Variants in AKT3 observed in about 807,000 individuals in gnomAD.
AKT3 encodes the protein RAC-gamma serine/threonine-protein kinase.
In AKT3, 15 loss-of-function variants were observed where a neutral mutation model predicts 65.3. The observed-to-expected ratio is 0.23, with a 90% CI of 0.15 to 0.35. The LOEUF (loss-of-function observed/expected upper bound fraction) is 0.35. AKT3 is among the 10% of genes least tolerant of loss of function. The pLI is 1.00. For missense variants in AKT3, 243 were observed against 576.5 expected, an observed-to-expected ratio of 0.42 and a Z score of 5.92; for synonymous variants, 206 against 183.8, an observed-to-expected ratio of 1.12 and a Z score of -0.98.
chr1:243,675,356 C>T (rs1425826675), intron 3 of AKT3, among the ~76,000 whole-genome samples: 5 of 152,294 alleles, frequency 3.3e-5, no homozygotes, highest in African/African-American at 7.2e-5. Context: ...CATACTACCA[C>T]GCCCAGCTAA....
At chr1:243,499,465 T>C (rs1306747821), downstream of AKT3, among the ~76,000 whole-genome samples, 1 of 152,188 alleles carries the variant, frequency 6.6e-6, no homozygotes, top group East Asian at 1.9e-4. Context: ...GATGGCTCTC[T>C]GGCCATGTCC....
chr1:243,627,622 G>A (rs937436689), intron 6 of AKT3, among the ~76,000 whole-genome samples: 1 of 152,148 alleles, frequency 6.6e-6, no homozygotes, highest in Non-Finnish European at 1.5e-5. Context: ...AAATAGTGGT[G>A]GCTCACAGGA....
At position 243,517,983 on chromosome 1, in the gene AKT3, G is replaced by A. The variant is rs78616635; in HGVS notation, c.1252-5557C>T. On this transcript the variant is annotated intron_variant, in intron 12 of 13. Transcript: ENST00000673466. ...ATTCAGTCTTGCAGCTGAGTAAGAC[G>A]TCAGTGAGCATGTAGTGTACCTTTT... Among the ~76,000 whole-genome samples, 230 of 152,312 alleles carry A rather than the reference G, an allele frequency of 1.5e-3. 6 individuals carry two copies. In the East Asian group the frequency reaches 0.024, roughly 16 times the overall value.
chr1:243,680,442 A>C (rs1421029360), intron 3 of AKT3, among the ~76,000 whole-genome samples: 1 of 151,926 alleles, frequency 6.6e-6, no homozygotes, highest in African/African-American at 2.4e-5. Flanking sequence ...CCTGCATTTC[A>C]TTTTTTCATT....
intron 8 of AKT3, among the ~76,000 whole-genome samples, chr1:243,608,643 T>C (rs1458314568): frequency 6.6e-6 from 1 of 152,084 alleles, no homozygotes; most frequent in East Asian, 1.9e-4. Context: ...TGTGCTAGTG[T>C]GAATTGTTTA....
chr1:243,805,867 T>C (rs893634853), intron 2 of AKT3, among the ~76,000 whole-genome samples: 32 of 152,310 alleles, frequency 2.1e-4, no homozygotes, highest in Non-Finnish European at 4.6e-4. Context: ...AAAAATTATA[T>C]CTATCATTAA....
At chr1:243,695,812 T>A (rs1685024876) in intron 2 of AKT3, 96 bp from the exon 3 acceptor site, 1 of 1,094,148 alleles carries the variant, frequency 9.1e-7, no homozygotes, top group Admixed American at 3.8e-5. Flanking sequence ...CCTACAACAC[T>A]GGCCTCCAAA....
chr1:243,643,972 T>C (rs1334060936), intron 5 of AKT3, among the ~76,000 whole-genome samples: 1 of 152,208 alleles, frequency 6.6e-6, no homozygotes, highest in African/African-American at 2.4e-5. Flanking sequence ...GCTAAGTCAT[T>C]AGGACCGTTA....
intron 13 of AKT3, among the ~76,000 whole-genome samples, chr1:243,492,355 A>G (rs1666698652): frequency 8.6e-6 from 1 of 116,866 alleles, no homozygotes; most frequent in Admixed American, 1.3e-4. Context: ...GGACTGGAGT[A>G]CAGTGGTGCA....
chr1:243,728,625 ACTGT>A (rs1687359463), intron 2 of AKT3, among the ~76,000 whole-genome samples: 1 of 152,200 alleles, frequency 6.6e-6, no homozygotes, highest in Admixed American at 6.5e-5. Flanking sequence ...TTGTAGAAAA[ACTGT>A]CTGGTCATAT....
intron 2 of AKT3, among the ~76,000 whole-genome samples, chr1:243,821,567 C>A (rs1572406552): frequency 6.6e-6 from 1 of 152,174 alleles, no homozygotes; most frequent in East Asian, 1.9e-4. Flanking sequence ...CACATAAGCT[C>A]AAAACAAAGG....
intron 3 of AKT3, among the ~76,000 whole-genome samples, chr1:243,677,878 G>C (rs1055778588): frequency 6.6e-6 from 1 of 152,106 alleles, no homozygotes; most frequent in African/African-American, 2.4e-5. Flanking sequence ...CCTGAGGTCA[G>C]GAGTTCGAGA....
intron 12 of AKT3, among the ~76,000 whole-genome samples, chr1:243,531,484 T>C (rs1370303972): frequency 1.3e-5 from 2 of 152,196 alleles, no homozygotes; most frequent in African/African-American, 2.4e-5. Context: ...TTTTATAGTT[T>C]TCTCCCATAT....
At chr1:243,831,218 A>G (rs1402411353) in intron 2 of AKT3, among the ~76,000 whole-genome samples, 1 of 152,252 alleles carries the variant, frequency 6.6e-6, no homozygotes, top group Admixed American at 6.5e-5. Flanking sequence ...CAGAAGGAAA[A>G]TTACAAACTG....
chr1:243,723,575 T>A (rs1214624059), intron 2 of AKT3, among the ~76,000 whole-genome samples: 4 of 152,118 alleles, frequency 2.6e-5, no homozygotes, highest in Non-Finnish European at 5.9e-5. Context: ...CTTTCACAAC[T>A]AGAAAGTACA....
chr1:243,653,399 C>T (rs1333069142), intron 4 of AKT3, among the ~76,000 whole-genome samples: 2 of 152,184 alleles, frequency 1.3e-5, no homozygotes, highest in South Asian at 2.1e-4. Context: ...GGATTCACAG[C>T]TGAATTCTAC....
intron 10 of AKT3, among the ~76,000 whole-genome samples, chr1:243,556,700 T>G (rs1673429279): frequency 6.6e-6 from 1 of 152,176 alleles, no homozygotes; most frequent in Non-Finnish European, 1.5e-5. Context: ...TAGCCTTACA[T>G]TTCAGGTAAC....
chr1:243,695,188 C>A (rs1460189387), intron 3 of AKT3, among the ~76,000 whole-genome samples: 1 of 151,846 alleles, frequency 6.6e-6, no homozygotes, highest in Non-Finnish European at 1.5e-5. Flanking sequence ...ATATAAATCA[C>A]CTGTTTCTCA....
intron 2 of AKT3, among the ~76,000 whole-genome samples, chr1:243,709,207 CAAGTT>C (rs1685994727): frequency 6.9e-6 from 1 of 145,842 alleles, no homozygotes; most frequent in African/African-American, 2.5e-5. Context: ...GTTTTACATA[CAAGTT>C]AATTAGTAAC....
Sources: allele counts gnomAD v4.1 joint callset (sites outside exome capture counted in the v4.1 genomes callset), GRCh38; gene constraint gnomAD v4.1.1; transcripts MANE v1.5; gene names NCBI Gene and HGNC (gene_info 2026-07-23, HGNC 2026-07-21).